MARCHF1: variants seen among roughly 807,000 people sequenced by gnomAD.
The protein encoded by MARCHF1 is membrane associated ring-CH-type finger 1, also known as E3 ubiquitin-protein ligase MARCHF1.
Under a neutral mutation model 54.2 loss-of-function variants are expected in MARCHF1, and 40 were observed. That is an observed-to-expected ratio of 0.74 (90% CI 0.57 to 0.96). The LOEUF (loss-of-function observed/expected upper bound fraction) is 0.96, where lower values mean the gene tolerates loss of function less well. MARCHF1 is among the 40% of genes least tolerant of loss of function. The probability of loss-of-function intolerance (pLI) is 0.00; values close to 1 mark genes in which losing one functional copy is unlikely to be tolerated. For synonymous variants in MARCHF1, 236 were observed against 236.3 expected (o/e 1.00, Z 0.01); for missense variants, 586 against 656.5 (o/e 0.89, Z 1.17).
chr4:163,827,422 A>G (rs1748885182), intron 4 of MARCHF1, among the ~76,000 whole-genome samples: 1 of 152,206 alleles, frequency 6.6e-6, no homozygotes, highest in Non-Finnish European at 1.5e-5. Context: ...CTTAGGTCAA[A>G]TGATTTCTTT....
intron 3 of MARCHF1, among the ~76,000 whole-genome samples, chr4:163,975,016 A>T (rs1267001610): frequency 2.6e-5 from 4 of 152,114 alleles, no homozygotes; most frequent in African/African-American, 4.8e-5. Flanking sequence ...ATGCCTTTAG[A>T]TTAAAACTAG....
chr4:163,976,386 C>G (rs1248812333), intron 3 of MARCHF1, among the ~76,000 whole-genome samples: 2 of 152,016 alleles, frequency 1.3e-5, no homozygotes. Context: ...CTTTAGAGGT[C>G]TTGGCGAAGG....
chr4:164,376,749 TAGTAA>T (rs1024337966), intron 1 of MARCHF1, among the ~76,000 whole-genome samples: 2 of 152,038 alleles, frequency 1.3e-5, no homozygotes, highest in Non-Finnish European at 2.9e-5. Context: ...TAAGACATGC[TAGTAA>T]AGTCACAGAA....
chr4:163,539,172 C>T (rs1048520864), intron 9 of MARCHF1, among the ~76,000 whole-genome samples: 1 of 152,048 alleles, frequency 6.6e-6, no homozygotes, highest in Non-Finnish European at 1.5e-5. Flanking sequence ...AGGCATGCAC[C>T]ACCATGCCCA....
chr4:164,315,449 A>G (rs995037585), intron 1 of MARCHF1, among the ~76,000 whole-genome samples: 1 of 152,192 alleles, frequency 6.6e-6, no homozygotes, highest in African/African-American at 2.4e-5. Flanking sequence ...AAGCACTTCA[A>G]TATGCAGACT....
intron 2 of MARCHF1, among the ~76,000 whole-genome samples, chr4:163,995,567 T>C (rs1480361122): frequency 6.6e-6 from 1 of 152,066 alleles, no homozygotes; most frequent in East Asian, 1.9e-4. Flanking sequence ...GTCAACTCAT[T>C]AGTATGCAAA....
intron 2 of MARCHF1, among the ~76,000 whole-genome samples, chr4:164,030,523 T>C (rs13149496): frequency 0.4 from 61,062 of 152,032 alleles, 12,973 homozygotes; most frequent in Middle Eastern, 0.59. Flanking sequence ...AAAGATTTAC[T>C]TTAACACAAA....
intron 5 of MARCHF1, among the ~76,000 whole-genome samples, chr4:163,689,181 T>A (rs1744364205): frequency 6.6e-6 from 1 of 152,204 alleles, no homozygotes; most frequent in Admixed American, 6.5e-5. Flanking sequence ...TGGGGACCAT[T>A]TATGGTCAAT....
At chr4:164,010,255 G>A (rs536272746) in intron 2 of MARCHF1, among the ~76,000 whole-genome samples, 3 of 145,094 alleles carry the variant, frequency 2.1e-5, no homozygotes, top group Non-Finnish European at 4.5e-5. Context: ...TTGTTTTTTG[G>A]TTTTTTTTTT....
chr4:163,883,347 AT>A (rs11398171), intron 3 of MARCHF1, among the ~76,000 whole-genome samples: 66 of 138,236 alleles, frequency 4.8e-4, no homozygotes, highest in African/African-American at 5.6e-4. Context: ...CTACGGATGT[AT>A]TTTTTTTTTT....
At chr4:163,558,584 C>T (rs1439521339) in intron 8 of MARCHF1, among the ~76,000 whole-genome samples, 1 of 152,100 alleles carries the variant, frequency 6.6e-6, no homozygotes, top group African/African-American at 2.4e-5. Context: ...AGGGACAGCC[C>T]GTATAGAGAG....
intron 7 of MARCHF1, among the ~76,000 whole-genome samples, chr4:163,596,995 G>A (rs750270799): frequency 5.5e-4 from 84 of 152,072 alleles, no homozygotes; most frequent in African/African-American, 1.8e-3. Flanking sequence ...TTGCTCTGTC[G>A]CCTAGGCTGG....
intron 5 of MARCHF1, among the ~76,000 whole-genome samples, chr4:163,643,763 T>C (rs1300129861): frequency 6.6e-6 from 1 of 152,206 alleles, no homozygotes; most frequent in African/African-American, 2.4e-5. Context: ...AAACATTCTT[T>C]CCTTTATTTG....
rs567178043 is a variant in MARCHF1 at position 164,350,065 on chromosome 4, A to C, written c.-323+33805T>G. On this transcript the variant is annotated intron_variant, in intron 1 of 9. Transcript: ENST00000514618. ...GATTAAATTGCAATGTTCACAATGC[A>C]TGTAAAACATATTCAAGTGAATAAG... Among the ~76,000 whole-genome samples, 4 of 152,348 alleles carry C rather than the reference A, an allele frequency of 2.6e-5. No individual in the cohort carries two copies. The East Asian group carries it at 7.7e-4, about 29-fold the overall frequency.
chr4:164,257,275 T>C (rs1234668802), intron 1 of MARCHF1, among the ~76,000 whole-genome samples: 2 of 152,160 alleles, frequency 1.3e-5, no homozygotes, highest in African/African-American at 4.8e-5. Context: ...ATGTATCTGT[T>C]TTACCTTTAA....
At chr4:164,134,437 C>T (rs2110830413) in intron 1 of MARCHF1, among the ~76,000 whole-genome samples, 1 of 152,288 alleles carries the variant, frequency 6.6e-6, no homozygotes, top group Non-Finnish European at 1.5e-5. Flanking sequence ...GAATACATTA[C>T]ATTTTCTCTG....
At chr4:163,966,305 A>G (rs1282349353) in intron 3 of MARCHF1, among the ~76,000 whole-genome samples, 1 of 152,090 alleles carries the variant, frequency 6.6e-6, no homozygotes, top group African/African-American at 2.4e-5. Flanking sequence ...CCACCATTAA[A>G]AAAAACAGCT....
At chr4:163,608,528 T>A (rs969387034) in intron 7 of MARCHF1, among the ~76,000 whole-genome samples, 2 of 152,094 alleles carry the variant, frequency 1.3e-5, no homozygotes, top group African/African-American at 4.8e-5. Flanking sequence ...GCTAACATGA[T>A]CTGATTCATG....
At chr4:163,845,749 A>G (rs1467870516) in intron 4 of MARCHF1, among the ~76,000 whole-genome samples, 4 of 152,128 alleles carry the variant, frequency 2.6e-5, no homozygotes, top group Non-Finnish European at 4.4e-5. Context: ...AGAGGAAACG[A>G]TTTATTCATG....
Sources: allele counts gnomAD v4.1 joint callset (sites outside exome capture counted in the v4.1 genomes callset), GRCh38; gene constraint gnomAD v4.1.1; transcripts MANE v1.5; gene names NCBI Gene and HGNC (gene_info 2026-07-23, HGNC 2026-07-21).